MYO5C: variants seen among roughly 807,000 people sequenced by gnomAD.
MYO5C encodes unconventional myosin-Vc.
A neutral mutation model predicts 235.7 loss-of-function variants in MYO5C; 194 were observed. The ratio of observed to expected loss-of-function variants is 0.82; its 90% CI spans 0.73 to 0.93. MYO5C has a LOEUF of 0.93. MYO5C is among the 40% of genes least tolerant of loss of function. The pLI, the probability that MYO5C is intolerant of heterozygous loss-of-function variation, is 0.00. For synonymous variants in MYO5C, 707 were observed against 754.8 expected (o/e 0.94, Z 1.04); for missense variants, 2,038 against 2,127.2 (o/e 0.96, Z 0.82).
At chr15:52,261,471 G>A (rs998020796) in intron 9 of MYO5C, among the ~76,000 whole-genome samples, 6 of 152,254 alleles carry the variant, frequency 3.9e-5, no homozygotes, top group Admixed American at 3.9e-4. Flanking sequence ...TCCTGTGGAT[G>A]TGGATGCAGC....
intron 26 of MYO5C, 30 bp downstream of exon 26, chr15:52,225,409 C>T: frequency 6.7e-7 from 1 of 1,499,698 alleles, no homozygotes; most frequent in Non-Finnish European, 9.3e-7. Context: ...AGTCTGCACC[C>T]ATGGACTAAG....
intron 10 of MYO5C, among the ~76,000 whole-genome samples, chr15:52,260,405 T>C (rs2036668839): frequency 6.6e-6 from 1 of 152,112 alleles, no homozygotes; most frequent in African/African-American, 2.4e-5. Flanking sequence ...GTGATTCGAA[T>C]GGGAAGGGAC....
chr15:52,247,722 A>G (rs527694235), intron 14 of MYO5C, 130 bp from the exon 15 acceptor site: 1 of 940,486 alleles, frequency 1.1e-6, no homozygotes, highest in Admixed American at 2.7e-5. Flanking sequence ...CAACATCTAC[A>G]GCCAAATCTC....
chr15:52,262,138 A>G (rs115575620), intron 9 of MYO5C, among the ~76,000 whole-genome samples: 1,836 of 152,286 alleles, frequency 0.012, 30 homozygotes, highest in African/African-American at 0.043. Flanking sequence ...AGGTGCTGCT[A>G]TGGGAAAAAA....
intron 8 of MYO5C, among the ~76,000 whole-genome samples, chr15:52,266,816 G>A (rs1468000984): frequency 6.6e-6 from 1 of 152,216 alleles, no homozygotes; most frequent in Non-Finnish European, 1.5e-5. Flanking sequence ...CAAGGTGAAG[G>A]AAAAGTTTGA....
intron 8 of MYO5C, among the ~76,000 whole-genome samples, chr15:52,265,770 G>A (rs917370005): frequency 6.6e-6 from 1 of 152,044 alleles, no homozygotes; most frequent in Non-Finnish European, 1.5e-5. Flanking sequence ...GGCTCAAGTG[G>A]TCCACCCTCC....
In MYO5C at chr15:52,291,802, G is replaced by A. The variant is rs375533001; in HGVS notation, c.27+3808C>T. On this transcript the variant is annotated intron_variant, in intron 1 of 40. Coordinates refer to ENST00000261839, the MANE Select transcript of MYO5C (RefSeq NM_018728.4). ...CGCCCAGGCTGGAGTGCAGCGGCGC[G>A]ATCTCGGCTCACTGCAAGCTTCGCC... 4.0e-3 allele frequency among the ~76,000 whole-genome samples: 509 copies of A among 127,198 alleles called. 3 individuals are homozygous for A. Among genetic ancestry groups the A allele is most frequent in the African/African-American group, 0.014 (475 of 34,576 alleles). 83.4% of individuals were successfully genotyped at this position (127,198 alleles called of 152,430 possible).
chr15:52,268,959 G>A (rs2036865795), intron 8 of MYO5C, among the ~76,000 whole-genome samples: 1 of 152,236 alleles, frequency 6.6e-6, no homozygotes, highest in African/African-American at 2.4e-5. Flanking sequence ...AGAAACAGCA[G>A]CACTGACTTC....
intron 36 of MYO5C, among the ~76,000 whole-genome samples, chr15:52,206,707 C>T (rs2035323381): frequency 6.6e-6 from 1 of 152,160 alleles, no homozygotes; most frequent in Non-Finnish European, 1.5e-5. Flanking sequence ...TGTTTAGCCT[C>T]CAGAACTGTG....
intron 38 of MYO5C, among the ~76,000 whole-genome samples, chr15:52,200,760 T>G (rs1057126616): frequency 6.6e-6 from 1 of 152,096 alleles, no homozygotes; most frequent in Non-Finnish European, 1.5e-5. Context: ...TTAAAGAAGT[T>G]ATCATAAAAA....
rs191340960 is a variant in MYO5C, at chr15:52,216,739, C to G, written c.3954+1780G>C. On this transcript the variant is annotated intron_variant, in intron 32 of 40. Transcript: ENST00000261839. ...TGTCCAACCCAAACTCCAGAATGTG[C>G]CTTTATATGGAAATAGGGTCTTTGC... 1.8e-4 allele frequency among the ~76,000 whole-genome samples: 27 copies of G among 152,164 alleles called. 1 individual carries two copies. The East Asian group carries it at 5.0e-3, about 28-fold the overall frequency.
At chr15:52,274,973 G>C (rs1173887913) in intron 5 of MYO5C, among the ~76,000 whole-genome samples, 1 of 152,166 alleles carries the variant, frequency 6.6e-6, no homozygotes, top group Non-Finnish European at 1.5e-5. Flanking sequence ...CCTCCTCTGT[G>C]CCTTTTGGGT....
At position 52,295,648 on chromosome 15, in the gene MYO5C, G is replaced by A; in HGVS notation, c.-12C>T. 6.8e-7 allele frequency: 1 copy of A among 1,460,382 alleles called. No homozygotes were observed. The highest frequency in any genetic ancestry group is 1.4e-5 in the South Asian group (1 of 73,348). The allele number at this position is 1,460,382 out of a possible 1,614,324, so 90.5% of individuals were successfully genotyped here. A position where few individuals can be genotyped will look rare whatever the true frequency, so the allele number is the denominator to read the frequency against. ...TCGGCCACCGCCATGGGCAGGAGGGGCCGGGGCCAGGCCGGGGCTGCCGAA... is the reference window on the plus strand; with the variant it reads ...TCGGCCACCGCCATGGGCAGGAGGGACCGGGGCCAGGCCGGGGCTGCCGAA... On this transcript the variant is annotated 5_prime_UTR_variant, in exon 1 of 41. Transcript: ENST00000261839.
chr15:52,248,392 C>T (rs1009917263), intron 14 of MYO5C, among the ~76,000 whole-genome samples: 7 of 152,176 alleles, frequency 4.6e-5, no homozygotes, highest in Non-Finnish European at 1.0e-4. Flanking sequence ...GCAATCCACC[C>T]GCCTCTGCCT....
intron 29 of MYO5C, among the ~76,000 whole-genome samples, chr15:52,222,519 C>T (rs553753296): frequency 1.3e-5 from 2 of 152,092 alleles, no homozygotes; most frequent in East Asian, 1.9e-4. Context: ...AGATTAGCAT[C>T]GCCAGAGGCT....
At chr15:52,290,430 T>A (rs1053588540) in intron 1 of MYO5C, among the ~76,000 whole-genome samples, 3 of 152,074 alleles carry the variant, frequency 2.0e-5, no homozygotes, top group African/African-American at 4.8e-5. Flanking sequence ...TTTGACCTCA[T>A]TTTAGACAGG....
At position 52,275,640 on chromosome 15, in the gene MYO5C, C is replaced by A; in HGVS notation, c.528G>T (p.Arg176Ser). ...GKTVSARYAMRYFATVSKSGS... is the reference protein window; with the variant it reads ...GKTVSARYAMSYFATVSKSGS... ...CCGATTTGCTGACGGTGGCAAAGTA[C>A]CTCATGGCATAGCGAGCCGACACTG... Residue 176 changes from arginine to serine, a missense_variant, in exon 5 of 41, where the codon AGG becomes AGT. Arg to Ser is a moderately radical substitution (Grantham distance 110, BLOSUM62 -1). Transcript: ENST00000261839. The A allele has an allele frequency of 6.2e-7, 1 of 1,614,172 alleles. No homozygotes were observed. Among genetic ancestry groups the A allele is most frequent in the Non-Finnish European group, 8.5e-7 (1 of 1,180,024 alleles).
At chr15:52,242,612 C>T (rs909510951) in intron 19 of MYO5C, 1 of 161,272 alleles carries the variant, frequency 6.2e-6, no homozygotes, top group African/African-American at 2.4e-5. Context: ...TCGTCCTTTA[C>T]AGAAAAAGTT....
intron 5 of MYO5C, among the ~76,000 whole-genome samples, chr15:52,273,547 A>G (rs1173156401): frequency 6.6e-6 from 1 of 152,162 alleles, no homozygotes; most frequent in Non-Finnish European, 1.5e-5. Context: ...TAATGCCTAC[A>G]TAATAGGGAT....
Sources: gnomAD v4.1 joint callset for allele counts (sites outside exome capture counted in the v4.1 genomes callset) on GRCh38, gnomAD v4.1.1 for gene constraint, MANE v1.5 for transcripts, NCBI Gene and HGNC (gene_info 2026-07-23, HGNC 2026-07-21) for gene names.